Variants in KAZN observed in about 807,000 individuals in gnomAD.
KAZN encodes the protein kazrin, periplakin interacting protein, also known as kazrin.
Under a neutral mutation model 87.4 loss-of-function variants are expected in KAZN, and 40 were observed. That is an observed-to-expected ratio of 0.46 (90% CI 0.36 to 0.60). The LOEUF is 0.60. KAZN is among the 20% of genes least tolerant of loss of function. The probability of loss-of-function intolerance (pLI) is 0.00; values close to 1 mark genes in which losing one functional copy is unlikely to be tolerated. For synonymous variants in KAZN, 466 were observed against 458.3 expected, an observed-to-expected ratio of 1.02 and a Z score of -0.22; for missense variants, 898 against 1,073.9, an observed-to-expected ratio of 0.84 and a Z score of 2.29.
chr1:14,448,136 G>A (rs866106774), intron 2 of KAZN, among the ~76,000 whole-genome samples: 2 of 152,234 alleles, frequency 1.3e-5, no homozygotes, highest in African/African-American at 2.4e-5. Flanking sequence ...GAGACCTGCT[G>A]TAAGCACTTT....
chr1:14,636,958 A>G (rs954546263), intron 1 of KAZN, among the ~76,000 whole-genome samples: 2 of 152,184 alleles, frequency 1.3e-5, no homozygotes, highest in Non-Finnish European at 2.9e-5. Flanking sequence ...GACATGTCAC[A>G]GCCAAAGGAA....
intron 1 of KAZN, among the ~76,000 whole-genome samples, chr1:13,995,219 C>CAAAAAAAAAAAAAAAAAAAAA (rs113600200): frequency 2.8e-5 from 3 of 107,368 alleles, no homozygotes; most frequent in Non-Finnish European, 4.0e-5. Flanking sequence ...TGCAATAAGG[C>CAAAAAAAAAAAAAAAAAAAAA]AAAAAAAAAA....
At chr1:14,527,272 C>T (rs908039899) in intron 2 of KAZN, among the ~76,000 whole-genome samples, 5 of 152,060 alleles carry the variant, frequency 3.3e-5, no homozygotes, top group East Asian at 1.9e-4. Context: ...GAGGTTTAGC[C>T]GGGCGCTGTG....
At chr1:14,308,253 TGTGA>T (rs926170573) in intron 2 of KAZN, among the ~76,000 whole-genome samples, 2 of 152,166 alleles carry the variant, frequency 1.3e-5, no homozygotes, top group African/African-American at 2.4e-5. Context: ...GAATATGGAC[TGTGA>T]GTTAGATAGT....
intron 2 of KAZN, among the ~76,000 whole-genome samples, chr1:14,296,256 G>A (rs892124795): frequency 2.6e-5 from 4 of 152,222 alleles, no homozygotes; most frequent in African/African-American, 9.6e-5. Flanking sequence ...AAATGCTGCA[G>A]TGGTGGGTTA....
intron 2 of KAZN, among the ~76,000 whole-genome samples, chr1:14,353,138 C>A (rs1180395885): frequency 6.6e-6 from 1 of 151,924 alleles, no homozygotes. Flanking sequence ...TGGCCAAAGT[C>A]CTAGCTGGTG....
intron 1 of KAZN, among the ~76,000 whole-genome samples, chr1:14,834,676 TA>T (rs1310669326): frequency 3.3e-5 from 5 of 152,326 alleles, no homozygotes; most frequent in Non-Finnish European, 5.9e-5. Context: ...AACATCATTT[TA>T]AAATTAGCAT....
intron 1 of KAZN, among the ~76,000 whole-genome samples, chr1:14,910,050 C>T (rs1030919114): frequency 7.3e-5 from 10 of 137,760 alleles, no homozygotes; most frequent in African/African-American, 2.6e-4. Flanking sequence ...GACCTTGTCT[C>T]AATAAATAAA....
chr1:14,968,462 CG>C lies in KAZN; in HGVS notation c.418+7588del, dbSNP rs1664688852. ...TCCATGGCCTGGGGCTTGGGGACCCCGTGTGAAGCCACTGCATTGTGTCACT... is the reference window on the plus strand; with the variant it reads ...TCCATGGCCTGGGGCTTGGGGACCCCTGTGAAGCCACTGCATTGTGTCACT... On this transcript the variant is annotated intron_variant, in intron 2 of 14. Coordinates refer to ENST00000376030, the MANE Select transcript of KAZN (RefSeq NM_201628.3). Among the ~76,000 whole-genome samples, 3 of 152,134 alleles carry C rather than the reference CG, an allele frequency of 2.0e-5. 1 individual carries two copies. The South Asian group carries it at 6.2e-4, about 31-fold the overall frequency.
chr1:14,885,743 T>A (rs927244541), intron 1 of KAZN, among the ~76,000 whole-genome samples: 1 of 152,136 alleles, frequency 6.6e-6, no homozygotes, highest in Non-Finnish European at 1.5e-5. Flanking sequence ...CCGTTGTAGG[T>A]ATCATGTCTC....
chr1:14,869,563 G>A (rs1056469226), intron 1 of KAZN, among the ~76,000 whole-genome samples: 6 of 152,210 alleles, frequency 3.9e-5, no homozygotes, highest in African/African-American at 1.4e-4. Flanking sequence ...GCTGGCAGAT[G>A]TCACAGCCCC....
intron 1 of KAZN, among the ~76,000 whole-genome samples, chr1:13,948,212 C>T (rs763482000): frequency 7.2e-5 from 11 of 152,138 alleles, no homozygotes; most frequent in South Asian, 4.1e-4. Flanking sequence ...TGCTGAACCA[C>T]CTTCATATGG....
chr1:14,135,622 T>C (rs1275760256), intron 1 of KAZN, among the ~76,000 whole-genome samples: 3 of 152,220 alleles, frequency 2.0e-5, no homozygotes, highest in Non-Finnish European at 4.4e-5. Context: ...AAAGTTCTAG[T>C]TGGAAGCCGT....
intron 1 of KAZN, among the ~76,000 whole-genome samples, chr1:14,889,560 T>C (rs1207925951): frequency 1.3e-5 from 2 of 152,210 alleles, no homozygotes; most frequent in African/African-American, 4.8e-5. Context: ...GCACTCACTG[T>C]CTCCTAGGAC....
intron 2 of KAZN, among the ~76,000 whole-genome samples, chr1:14,374,879 G>A (rs893220772): frequency 6.6e-6 from 1 of 152,218 alleles, no homozygotes; most frequent in Non-Finnish European, 1.5e-5. Context: ...AAGGAGGTCA[G>A]TAAATTTAAC....
chr1:14,943,942 C>G (rs1007185935), intron 1 of KAZN, among the ~76,000 whole-genome samples: 2 of 152,146 alleles, frequency 1.3e-5, no homozygotes, highest in African/African-American at 4.8e-5. Context: ...GGCGTGGTGG[C>G]GCATGCCTGT....
At chr1:13,943,814 G>T (rs1295343839) in intron 1 of KAZN, among the ~76,000 whole-genome samples, 1 of 152,156 alleles carries the variant, frequency 6.6e-6, no homozygotes, top group Non-Finnish European at 1.5e-5. Context: ...TTAGGGAAAT[G>T]CAAATTAAAA....
chr1:13,999,266 T>C (rs554514262), intron 1 of KAZN, among the ~76,000 whole-genome samples: 13 of 152,050 alleles, frequency 8.5e-5, no homozygotes, highest in Non-Finnish European at 1.8e-4. Flanking sequence ...TAGAATCGCA[T>C]GAATCCAGGA....
At chr1:14,238,611 C>G (rs1044556521) in intron 2 of KAZN, among the ~76,000 whole-genome samples, 1 of 152,268 alleles carries the variant, frequency 6.6e-6, no homozygotes, top group Non-Finnish European at 1.5e-5. Context: ...TCTTGGCCAT[C>G]CGGGCTGGAG....
Sources: allele counts gnomAD v4.1 joint callset (sites outside exome capture counted in the v4.1 genomes callset), GRCh38; gene constraint gnomAD v4.1.1; transcripts MANE v1.5; gene names NCBI Gene and HGNC (gene_info 2026-07-23, HGNC 2026-07-21).